The following SPNS2 variants were observed in gnomAD, a reference collection of about 807,000 sequenced individuals.
The protein encoded by SPNS2 is sphingosine-1-phosphate transporter SPNS2.
In SPNS2, 37 loss-of-function variants were observed where a neutral mutation model predicts 57.6. The ratio of observed to expected loss-of-function variants is 0.64; its 90% CI spans 0.49 to 0.85. The LOEUF (loss-of-function observed/expected upper bound fraction) is 0.85, where lower values mean the gene tolerates loss of function less well. SPNS2 is among the 40% of genes least tolerant of loss of function. The pLI, the probability that SPNS2 is intolerant of heterozygous loss-of-function variation, is 0.00. For synonymous variants in SPNS2, 440 were observed against 346.9 expected (o/e 1.27, Z -2.98); for missense variants, 831 against 779.1 (o/e 1.07, Z -0.79).
At position 4,510,687 on chromosome 17, in the gene SPNS2, T is replaced by C. The variant is rs560094883; in HGVS notation, c.371-2560T>C. Among the ~76,000 whole-genome samples the C allele has an allele frequency of 6.6e-6, 1 of 152,244 alleles. No homozygotes were observed. The highest frequency in any genetic ancestry group is 1.5e-5 in the Non-Finnish European group (1 of 67,998). ...TCCTGCCTCCTCCTGACTCCGCCCA[T>C]CCTCTTGTCCACCCGACACCAAAAT... On this transcript the variant is annotated intron_variant, in intron 1 of 12. Transcript: ENST00000329078. This position sits in a 1 kb window ranked among gnomAD's most constrained non-coding sequence, Gnocchi z 4.4.
At chr17:4,534,609 G>A (rs982038584) in intron 9 of SPNS2, among the ~76,000 whole-genome samples, 1 of 152,128 alleles carries the variant, frequency 6.6e-6, no homozygotes, top group Admixed American at 6.5e-5. Context: ...GAGTGTGCCA[G>A]GCACTGCGGC....
chr17:4,530,666 T>C lies in SPNS2; in HGVS notation c.608T>C (p.Val203Ala). ...FWLLVLSRGL[V>A]GIGEASYSTI... is the part of the protein sequence containing the mutation. The stretch of plus-strand genomic sequence containing the variant: ...CTGCTGGTCCTGTCCCGGGGGCTGG[T>C]GGGCATCGGGGAGGCCAGCTACTCC... The change falls in exon 4 of 13, where the codon GTG becomes GCG. Residue 203 changes from valine to alanine, a missense_variant. Val to Ala is a moderately conservative substitution (Grantham distance 64). Around this residue, in one of 2 missense-constraint regions of SPNS2, gnomAD observed 305 missense variants for 378.3 expected, o/e 0.81. Coordinates refer to ENST00000329078, the MANE Select transcript of SPNS2 (RefSeq NM_001124758.3). The C allele has an allele frequency of 6.2e-7, 1 of 1,613,412 alleles. No homozygotes were observed. Among genetic ancestry groups the C allele is most frequent in the Non-Finnish European group, 8.5e-7 (1 of 1,179,776 alleles).
At position 4,511,423 on chromosome 17, in the gene SPNS2, C is replaced by T. The variant is rs539792171; in HGVS notation, c.371-1824C>T. The stretch of plus-strand genomic sequence containing the variant: ...GGGGTGGTGTCCTGAGAAGTGAGGC[C>T]GGAGGGCGGGGCTGGCAGGGCCACA... On this transcript the variant is annotated intron_variant, in intron 1 of 12. Coordinates refer to ENST00000329078, the MANE Select transcript of SPNS2 (RefSeq NM_001124758.3). This position sits in a 1 kb window ranked among gnomAD's most constrained non-coding sequence, Gnocchi z 4.6. Among the ~76,000 whole-genome samples the T allele has an allele frequency of 3.3e-5, 5 of 152,212 alleles. No individual in the cohort carries two copies. The highest frequency in any genetic ancestry group is 1.9e-4 in the East Asian group (1 of 5,186).
Position 4,510,734 on chromosome 17 carries a change from T to G in SPNS2, c.371-2513T>G, listed in dbSNP as rs1904809008. ...AAATCGTGACTGTCCCTGCTCTGAG[T>G]CCTGGAGATGACCGGCCACGGCTCC... On this transcript the variant is annotated intron_variant, in intron 1 of 12. Transcript: ENST00000329078. This position sits in a 1 kb window ranked among gnomAD's most constrained non-coding sequence, Gnocchi z 4.4. 6.6e-6 allele frequency among the ~76,000 whole-genome samples: 1 copy of G among 152,116 alleles called. No individual in the cohort carries two copies. The highest frequency in any genetic ancestry group is 6.5e-5 in the Admixed American group (1 of 15,284).
intron 1 of SPNS2, among the ~76,000 whole-genome samples, chr17:4,503,207 C>T (rs1350018853): frequency 6.6e-6 from 1 of 152,246 alleles, no homozygotes; most frequent in African/African-American, 2.4e-5. Context: ...CCTCTCCAGT[C>T]CCAGGAGCCC....
Position 4,533,068 on chromosome 17 carries a change from G to T in SPNS2, c.1027G>T (p.Ala343Ser). ...GTGGATCCCGCTCTACCTGCACCGC[G>T]CCCAAGTTGTGCAGAAGACAGCAGA... is the stretch of plus-strand genomic sequence containing the variant. ...GMWIPLYLHR[A>S]QVVQKTAETC... Residue 343 changes from alanine (A) to serine (S), a missense_variant, in exon 7 of 13, where the codon GCC (alanine) becomes TCC (serine). Coordinates refer to ENST00000329078, the MANE Select transcript of SPNS2 (RefSeq NM_001124758.3). The T allele has an allele frequency of 6.2e-7, 1 of 1,613,240 alleles. No homozygotes were observed. The highest frequency in any genetic ancestry group is 8.5e-7 in the Non-Finnish European group (1 of 1,179,932).
At chr17:4,525,287 G>A (rs761652512) in intron 3 of SPNS2, 94 bp downstream of exon 3, 294 of 1,508,478 alleles carry the variant, frequency 1.9e-4, no homozygotes, top group Non-Finnish European at 2.5e-4. Flanking sequence ...CCAGCCCAGG[G>A]CTTCCAGCTC....
intron 5 of SPNS2, among the ~76,000 whole-genome samples, chr17:4,532,243 C>T (rs1385713516): frequency 1.3e-5 from 2 of 152,192 alleles, no homozygotes; most frequent in South Asian, 2.1e-4. Flanking sequence ...TCTTCTCTAT[C>T]TATCCACCCA....
chr17:4,501,050 G>C (rs1260030237), intron 1 of SPNS2, among the ~76,000 whole-genome samples: 1 of 152,222 alleles, frequency 6.6e-6, no homozygotes, highest in Non-Finnish European at 1.5e-5. Context: ...CCTGGGACCT[G>C]TAGTCAGTTC....
chr17:4,525,887 CTTCCA>C (rs1905252686), intron 3 of SPNS2, among the ~76,000 whole-genome samples: 1 of 152,220 alleles, frequency 6.6e-6, no homozygotes, highest in South Asian at 2.1e-4. Context: ...TCTGTTCCTC[CTTCCA>C]AAGATGAGAC....
chr17:4,527,533 A>G (rs78986239), intron 3 of SPNS2, among the ~76,000 whole-genome samples: 2,695 of 152,362 alleles, frequency 0.018, 83 homozygotes, highest in African/African-American at 0.062. Flanking sequence ...ATCTAGAACT[A>G]TAAATCAACA....
rs1905914356 is a variant in SPNS2 at position 4,537,469 on chromosome 17, G to A, written c.*21G>A. On this transcript the variant is annotated 3_prime_UTR_variant, in exon 13 of 13. Transcript: ENST00000329078. ...TTTCCCCAGGTGCCATTGGGACAAT[G>A]AAGAACCCACACTCCCACCTCGTCT... The A allele has an allele frequency of 2.2e-6, 1 of 455,228 alleles. No individual in the cohort carries two copies. The highest frequency in any genetic ancestry group is 4.4e-6 in the Non-Finnish European group (1 of 225,740). 28.2% of individuals were successfully genotyped at this position (455,228 alleles called of 1,614,324 possible).
intron 7 of SPNS2, 51 bp downstream of exon 7, chr17:4,533,180 G>C (rs373133643): frequency 3.8e-6 from 6 of 1,581,664 alleles, no homozygotes; most frequent in Non-Finnish European, 5.2e-6. Flanking sequence ...TCGGACAGGA[G>C]AGCCCCTCAG....
At chr17:4,532,373 A>T (rs1008504585) in intron 5 of SPNS2, among the ~76,000 whole-genome samples, 169 bp from the exon 6 acceptor site, 8 of 151,984 alleles carry the variant, frequency 5.3e-5, no homozygotes, top group Non-Finnish European at 1.0e-4. Context: ...CTCTTGACCG[A>T]CCTCAGCCCC....
In SPNS2 at chr17:4,523,601, C is replaced by T. The variant is rs536873147; in HGVS notation, c.437-1456C>T. Among the ~76,000 whole-genome samples, 22 of 152,294 alleles carry T rather than the reference C, an allele frequency of 1.4e-4. No homozygotes were observed. The South Asian group carries it at 2.7e-3, about 19-fold the overall frequency. On this transcript the variant is annotated intron_variant, in intron 2 of 12. Coordinates refer to ENST00000329078, the MANE Select transcript of SPNS2 (RefSeq NM_001124758.3). The stretch of plus-strand genomic sequence containing the variant: ...TAGCCAACACGGTGAAACCCCGTCT[C>T]TACTAAAAATACAAAAATCAGCAGA...
At chr17:4,517,909 T>G (rs1401009574) in intron 2 of SPNS2, among the ~76,000 whole-genome samples, 1 of 152,004 alleles carries the variant, frequency 6.6e-6, no homozygotes, top group Non-Finnish European at 1.5e-5. Flanking sequence ...AAATAAAAAA[T>G]GGAATAATTA....
chr17:4,530,835 T>G (rs997607233), intron 4 of SPNS2, 52 bp downstream of exon 4: 3 of 1,584,542 alleles, frequency 1.9e-6, no homozygotes. Flanking sequence ...AAGGTTCCCT[T>G]GGACTTCTGA....
intron 3 of SPNS2, 57 bp from the exon 4 acceptor site, chr17:4,530,575 G>A: frequency 1.3e-6 from 2 of 1,571,028 alleles, no homozygotes; most frequent in South Asian, 2.4e-5. Flanking sequence ...GGGAACAAGG[G>A]ATGACAGGCA....
rs1487608935 is a variant in SPNS2, at chr17:4,533,079, G to A, written c.1038G>A (p.Val346=). The A allele has an allele frequency of 2.5e-6, 4 of 1,613,154 alleles. No homozygotes were observed. Among genetic ancestry groups the A allele is most frequent in the Admixed American group, 1.7e-5 (1 of 60,002 alleles). ...TCTACCTGCACCGCGCCCAAGTTGTGCAGAAGACAGCAGAGACGTGCAACA... is the reference window on the plus strand; with the variant it reads ...TCTACCTGCACCGCGCCCAAGTTGTACAGAAGACAGCAGAGACGTGCAACA... The part of the protein sequence containing the change: ...IPLYLHRAQV[V]QKTAETCNSP... The change falls in exon 7 of 13, where the codon GTG becomes GTA. Residue 346 remains valine (V), a synonymous_variant. Coordinates refer to ENST00000329078, the MANE Select transcript of SPNS2 (RefSeq NM_001124758.3).
Sources: gnomAD v4.1 joint callset for allele counts (sites outside exome capture counted in the v4.1 genomes callset) on GRCh38, gnomAD v4.1.1 for gene constraint, gnomAD v4.1.1 regional missense constraint, Gnocchi (gnomAD v3.1) non-coding constraint, MANE v1.5 for transcripts, NCBI Gene and HGNC (gene_info 2026-07-23, HGNC 2026-07-21) for gene names.